The following DTNB variants were observed in gnomAD, a reference collection of about 807,000 sequenced individuals.
DTNB encodes dystrobrevin beta, also known as DTN-B.
A neutral mutation model predicts 90.7 loss-of-function variants in DTNB; 63 were observed. The ratio of observed to expected loss-of-function variants is 0.69; its 90% confidence interval spans 0.57 to 0.86. The LOEUF (loss-of-function observed/expected upper bound fraction) is 0.86, where lower values mean the gene tolerates loss of function less well. Among genes scored for constraint, DTNB ranks in the 40% least tolerant of loss-of-function variants. DTNB has a pLI of 0.00. For synonymous variants in DTNB, 277 were observed against 286.7 expected, an observed-to-expected ratio of 0.97 and a Z score of 0.34; for missense variants, 744 against 807.1, an observed-to-expected ratio of 0.92 and a Z score of 0.95.
intron 10 of DTNB, among the ~76,000 whole-genome samples, chr2:25,465,349 C>T (rs902021222): frequency 6.8e-6 from 1 of 147,770 alleles, no homozygotes; most frequent in Non-Finnish European, 1.5e-5. Flanking sequence ...GCATTCCAGC[C>T]TGGGCGACAG....
At chr2:25,442,814 T>G (rs915085901) in intron 12 of DTNB, among the ~76,000 whole-genome samples, 1 of 152,238 alleles carries the variant, frequency 6.6e-6, no homozygotes, top group Non-Finnish European at 1.5e-5. Context: ...TTAACCTTGT[T>G]CTGCCTCGGT....
intron 8 of DTNB, among the ~76,000 whole-genome samples, chr2:25,551,113 C>T (rs1265250823): frequency 6.6e-6 from 1 of 152,206 alleles, no homozygotes; most frequent in Non-Finnish European, 1.5e-5. Context: ...TCTTCTCACC[C>T]TGATCTTTTA....
At position 25,570,046 on chromosome 2, in the gene DTNB, G is replaced by A. The variant is rs550527952; in HGVS notation, c.876+6792C>T. Among the ~76,000 whole-genome samples the A allele has an allele frequency of 1.7e-4, 25 of 150,634 alleles. No individual in the cohort carries two copies. In the South Asian group the frequency reaches 2.3e-3, roughly 14 times the overall value. ...TGGGAAGGGGAGGTTGCAGTGAGCC[G>A]AGATCGTGCCCCTGCATTCCAGCCT... is the stretch of plus-strand genomic sequence containing the variant. On this transcript the variant is annotated intron_variant, in intron 8 of 20. Coordinates refer to ENST00000406818, the MANE Select transcript of DTNB (RefSeq NM_021907.5).
chr2:25,612,935 C>G (rs1481690198), intron 4 of DTNB, among the ~76,000 whole-genome samples: 1 of 151,970 alleles, frequency 6.6e-6, no homozygotes, highest in Admixed American at 6.6e-5. Flanking sequence ...TTAAAGTCTT[C>G]CAAAAAAGAA....
At chr2:25,489,178 A>G (rs1482514053) in intron 9 of DTNB, among the ~76,000 whole-genome samples, 1 of 152,196 alleles carries the variant, frequency 6.6e-6, no homozygotes, top group Non-Finnish European at 1.5e-5. Flanking sequence ...AATACAGACT[A>G]ACTAGAAATT....
chr2:25,671,576 G>C (rs908188981), intron 1 of DTNB, among the ~76,000 whole-genome samples: 2 of 152,130 alleles, frequency 1.3e-5, no homozygotes, highest in African/African-American at 4.8e-5. Context: ...GGCCCTGAGA[G>C]AGTAACATAA....
At chr2:25,536,723 CGA>C (rs777853335) in intron 8 of DTNB, among the ~76,000 whole-genome samples, 2 of 151,926 alleles carry the variant, frequency 1.3e-5, no homozygotes, top group Non-Finnish European at 2.9e-5. Context: ...AGAGCGAGAG[CGA>C]GAGGGGAGAT....
At chr2:25,509,746 C>CTTTTTTT (rs36101268) in intron 9 of DTNB, among the ~76,000 whole-genome samples, 8 of 83,722 alleles carry the variant, frequency 9.6e-5, no homozygotes, top group African/African-American at 1.9e-4. Context: ...CTTTTAGATT[C>CTTTTTTT]TTTTTTTTTT....
chr2:25,386,065 A>C, intron 18 of DTNB: 1 of 985,446 alleles, frequency 1.0e-6, no homozygotes, highest in Non-Finnish European at 1.2e-6. Context: ...TCTTCTGTTT[A>C]TGTGTACAGA....
chr2:25,628,179 T>G lies in DTNB; in HGVS notation c.354A>C (p.Ala118=), dbSNP rs1202595818. The G allele has an allele frequency of 6.2e-7, 1 of 1,613,916 alleles. No individual in the cohort carries two copies. The highest frequency in any genetic ancestry group is 1.1e-5 in the South Asian group (1 of 91,068). Residue 118 remains alanine, a synonymous_variant, in exon 4 of 21, where the codon GCA becomes GCC. Coordinates refer to ENST00000406818, the MANE Select transcript of DTNB (RefSeq NM_021907.5). ...GGTAAGGTACTACTAGCCTGTCATA[T>G]GCAGCAATCATAAAGTTGAGGAGGA... ...ISLLLNFMIA[A]YDSEGRGKLT...
chr2:25,670,504 C>A (rs2085582625), intron 1 of DTNB, among the ~76,000 whole-genome samples: 4 of 152,190 alleles, frequency 2.6e-5, no homozygotes, highest in Non-Finnish European at 5.9e-5. Flanking sequence ...TCTGTCTGTA[C>A]TGTTTGAGTA....
intron 10 of DTNB, among the ~76,000 whole-genome samples, chr2:25,462,908 T>C (rs2061226043): frequency 6.6e-6 from 1 of 152,152 alleles, no homozygotes; most frequent in Non-Finnish European, 1.5e-5. Context: ...TTTCACCATT[T>C]TAGCCGGGAT....
At position 25,633,621 on chromosome 2, in the gene DTNB, G is replaced by A. The variant is rs531492539; in HGVS notation, c.149-5237C>T. 3.9e-5 allele frequency among the ~76,000 whole-genome samples: 6 copies of A among 152,026 alleles called. No individual in the cohort carries two copies. In the East Asian group the frequency reaches 9.7e-4, roughly 25 times the overall value. On this transcript the variant is annotated intron_variant, in intron 3 of 20. Transcript: ENST00000406818. ...AAGTGAGGAGCGTCTCTGCCTAGCC[G>A]CCCATCGTCTGGGATGTGAGGAGCC...
intron 16 of DTNB, among the ~76,000 whole-genome samples, chr2:25,394,098 T>TA (rs1445225954): frequency 1.3e-5 from 2 of 152,092 alleles, no homozygotes; most frequent in Admixed American, 1.3e-4. Flanking sequence ...GCCAAATACT[T>TA]ACACCCAACT....
At chr2:25,588,298 T>C (rs1050581444) in intron 6 of DTNB, among the ~76,000 whole-genome samples, 2 of 152,198 alleles carry the variant, frequency 1.3e-5, no homozygotes, top group African/African-American at 4.8e-5. Flanking sequence ...CCCTCTATTC[T>C]GTCCACACCT....
At chr2:25,636,409 T>C (rs1257642788) in intron 3 of DTNB, among the ~76,000 whole-genome samples, 1 of 152,214 alleles carries the variant, frequency 6.6e-6, no homozygotes, top group Non-Finnish European at 1.5e-5. Context: ...ATGCATCTTT[T>C]ACTTTATATT....
chr2:25,494,869 G>C (rs2068445695), intron 9 of DTNB, among the ~76,000 whole-genome samples: 1 of 151,532 alleles, frequency 6.6e-6, no homozygotes, highest in African/African-American at 2.4e-5. Context: ...GTTAGCGCTA[G>C]GAGGGGAACA....
chr2:25,528,023 A>T (rs947639760), intron 9 of DTNB, among the ~76,000 whole-genome samples: 1 of 152,218 alleles, frequency 6.6e-6, no homozygotes, highest in African/African-American at 2.4e-5. Flanking sequence ...TTAGCAAACA[A>T]AACCTAGCAG....
At chr2:25,457,146 A>C (rs1384277928) in intron 10 of DTNB, among the ~76,000 whole-genome samples, 1 of 151,922 alleles carries the variant, frequency 6.6e-6, no homozygotes, top group Non-Finnish European at 1.5e-5. Context: ...TGTAGCTGGG[A>C]TTATAGGCGT....
Sources: gnomAD v4.1 joint callset for allele counts (sites outside exome capture counted in the v4.1 genomes callset) on GRCh38, gnomAD v4.1.1 for gene constraint, MANE v1.5 for transcripts, NCBI Gene and HGNC (gene_info 2026-07-23, HGNC 2026-07-21) for gene names.